ICE1: variants seen among roughly 807,000 people sequenced by gnomAD.
The protein encoded by ICE1 is interactor of little elongation complex ELL subunit 1.
A neutral mutation model predicts 192.7 loss-of-function variants in ICE1; 64 were observed. The observed-to-expected ratio is 0.33, with a 90% CI of 0.27 to 0.41. The LOEUF is 0.41. Among genes scored for constraint, ICE1 ranks in the 10% least tolerant of loss-of-function variants. ICE1 has a pLI of 1.00. For synonymous variants in ICE1, 1,010 were observed against 984.5 expected, an observed-to-expected ratio of 1.03 and a Z score of -0.49; for missense variants, 2,708 against 2,696.0, an observed-to-expected ratio of 1.00 and a Z score of -0.10.
chr5:5,475,188 C>T (rs1579576583), intron 16 of ICE1, among the ~76,000 whole-genome samples: 1 of 152,114 alleles, frequency 6.6e-6, no homozygotes, highest in African/African-American at 2.4e-5. Context: ...TCCCTGCACT[C>T]GTGATGAAGA....
Position 5,461,504 on chromosome 5 carries a change from G to A in ICE1, c.2170G>A (p.Glu724Lys), listed in dbSNP as rs988862120. The change falls in exon 13 of 19, where the codon GAA becomes AAA. Residue 724 changes from glutamate (E) to lysine (K), a missense_variant. Glu to Lys is a moderately conservative substitution (Grantham distance 56, BLOSUM62 1). Coordinates refer to ENST00000296564, the MANE Select transcript of ICE1 (RefSeq NM_015325.3). ...TAATGATCAGAAGAGCAGTGGGATA[G>A]AATATACAAAAGTAGTAAAAGGCTT... The part of the protein sequence containing the change: ...NFNDQKSSGI[E>K]YTKVVKGLTK... The A allele has an allele frequency of 2.5e-6, 4 of 1,613,722 alleles. No individual in the cohort carries two copies. In the Admixed American group the frequency reaches 5.0e-5, roughly 20 times the overall value.
At chr5:5,433,979 C>T (rs1737798696) in intron 1 of ICE1, among the ~76,000 whole-genome samples, 2 of 151,412 alleles carry the variant, frequency 1.3e-5, no homozygotes, top group African/African-American at 2.4e-5. Context: ...ATTGAATCCT[C>T]AGTGTGTTTA....
chr5:5,438,384 C>T (rs1009444070), intron 3 of ICE1, among the ~76,000 whole-genome samples: 3 of 152,218 alleles, frequency 2.0e-5, no homozygotes, highest in South Asian at 2.1e-4. Flanking sequence ...CTGTGAAAAT[C>T]GTAAAATTAA....
chr5:5,486,345 G>C (rs144287985), intron 17 of ICE1, among the ~76,000 whole-genome samples: 1 of 152,228 alleles, frequency 6.6e-6, no homozygotes, highest in Non-Finnish European at 1.5e-5. Flanking sequence ...TTGTGAAGTA[G>C]TTTGACTTAG....
At chr5:5,488,161 G>C (rs192911157) in intron 18 of ICE1, among the ~76,000 whole-genome samples, 1 of 152,300 alleles carries the variant, frequency 6.6e-6, no homozygotes, top group Admixed American at 6.5e-5. Flanking sequence ...GTGGTTTATG[G>C]GGGGGAGTAA....
At position 5,447,880 on chromosome 5, in the gene ICE1, A is replaced by G. The variant is rs1738286842; in HGVS notation, c.587A>G (p.Tyr196Cys). 7 of 1,573,608 alleles carry G rather than the reference A, an allele frequency of 4.4e-6. No individual in the cohort carries two copies. The highest frequency in any genetic ancestry group is 2.3e-5 in the East Asian group (1 of 43,482). The change falls in exon 10 of 19, where the codon TAT becomes TGT. Residue 196 changes from tyrosine (Y) to cysteine (C), a missense_variant. Physicochemically the swap from Tyr to Cys is radical, Grantham distance 194 (BLOSUM62 -2). Transcript: ENST00000296564. ...HIGTQISSDS[Y>C]GSIDKRKVKL... ...GGAACACAAATTTCAAGTGATTCAT[A>G]TGGAAGCATAGATAAAAGTGAGTAT...
intron 10 of ICE1, among the ~76,000 whole-genome samples, chr5:5,452,458 GAAAAGACC>G (rs1738453383): frequency 2.0e-5 from 3 of 152,020 alleles, no homozygotes; most frequent in Non-Finnish European, 4.4e-5. Flanking sequence ...AGATGTCTAA[GAAAAGACC>G]TGAAAGCAGT....
At chr5:5,476,142 G>GA in intron 17 of ICE1, 63 bp downstream of exon 17, 10 of 895,144 alleles carry the variant, frequency 1.1e-5, no homozygotes, top group Non-Finnish European at 1.7e-5. Flanking sequence ...AAGGCTGGGG[G>GA]GTTAACTGTA....
At chr5:5,435,704 A>ATC (rs1737855014) in intron 1 of ICE1, among the ~76,000 whole-genome samples, 1 of 104,178 alleles carries the variant, frequency 9.6e-6, no homozygotes, top group South Asian at 2.9e-4. Flanking sequence ...TCGAGATGGA[A>ATC]TCTCACTGTC....
intron 4 of ICE1, among the ~76,000 whole-genome samples, 154 bp downstream of exon 4, chr5:5,440,067 T>C (rs1187260479): frequency 1.3e-5 from 2 of 152,224 alleles, no homozygotes; most frequent in African/African-American, 2.4e-5. Flanking sequence ...CATAATAAAA[T>C]AGGACTCAAG....
At position 5,426,675 on chromosome 5, in the gene ICE1, G is replaced by C. The variant is rs532680976; in HGVS notation, c.84+3676G>C. Among the ~76,000 whole-genome samples the C allele has an allele frequency of 4.6e-4, 70 of 152,164 alleles. 1 individual carries two copies. Among genetic ancestry groups the C allele is most frequent in the Admixed American group, 2.1e-3 (32 of 15,274 alleles). On this transcript the variant is annotated intron_variant, in intron 1 of 18. Coordinates refer to ENST00000296564, the MANE Select transcript of ICE1 (RefSeq NM_015325.3). ...GAGAAACAGATAAAGTATGTTAGAG[G>C]GTTAAACAGGGAGTGCGTTCCAGAG...
rs1204981627 is a variant in ICE1, at chr5:5,461,671, C to G, written c.2337C>G (p.Ile779Met). 6.2e-7 allele frequency: 1 copy of G among 1,613,780 alleles called. No homozygotes were observed. The highest frequency in any genetic ancestry group is 1.7e-5 in the Admixed American group (1 of 60,006). Residue 779 changes from isoleucine to methionine, a missense_variant, in exon 13 of 19, where the codon ATC becomes ATG. Physicochemically the swap from Ile to Met is conservative, Grantham distance 10. Around this residue, in one of 2 missense-constraint regions of ICE1, gnomAD observed 2,366 missense variants for 2,276.6 expected, o/e 1.04. Coordinates refer to ENST00000296564, the MANE Select transcript of ICE1 (RefSeq NM_015325.3). ...TAATAGGTTCTCAGGCTGCCTTGATCAAGAGTGGTTTGGGTTTTGTTAAAA... is the reference window on the plus strand; with the variant it reads ...TAATAGGTTCTCAGGCTGCCTTGATGAAGAGTGGTTTGGGTTTTGTTAAAA... ...TSLIGSQAALIKSGLGFVKST... is the reference protein window; with the variant it reads ...TSLIGSQAALMKSGLGFVKST...
chr5:5,486,778 G>A lies in ICE1; in HGVS notation c.6578G>A (p.Ser2193Asn). The change falls in exon 18 of 19, where the codon AGT becomes AAT. Residue 2193 changes from serine (S) to asparagine (N), a missense_variant. Physicochemically the swap from Ser to Asn is conservative, Grantham distance 46 (BLOSUM62 1). Transcript: ENST00000296564. Reference protein sequence around the residue: ...EGFPSAVKNISSVIGMFIQHA... With the variant: ...EGFPSAVKNINSVIGMFIQHA... The stretch of plus-strand genomic sequence containing the variant: ...TTTCCATCTGCTGTGAAAAATATTA[G>A]TTCGGTTATTGGTATGTTTATACAG... 6.2e-7 allele frequency: 1 copy of A among 1,602,636 alleles called. No individual in the cohort carries two copies.
At chr5:5,472,961 A>G (rs898107170) in intron 15 of ICE1, among the ~76,000 whole-genome samples, 3 of 152,220 alleles carry the variant, frequency 2.0e-5, no homozygotes, top group African/African-American at 7.2e-5. Context: ...GTGAATATTC[A>G]TAGCAGCATT....
At chr5:5,435,112 G>A (rs548544867) in intron 1 of ICE1, among the ~76,000 whole-genome samples, 100 of 152,256 alleles carry the variant, frequency 6.6e-4, no homozygotes, top group African/African-American at 2.4e-3. Context: ...GACTGGAAAA[G>A]GACCTAAACC....
intron 4 of ICE1, among the ~76,000 whole-genome samples, chr5:5,440,328 G>T (rs764473981): frequency 6.6e-6 from 1 of 152,148 alleles, no homozygotes; most frequent in Non-Finnish European, 1.5e-5. Context: ...TCATCACCCA[G>T]ATGAAGGCGA....
chr5:5,446,833 G>T (rs1003626441), intron 7 of ICE1, among the ~76,000 whole-genome samples: 1 of 152,150 alleles, frequency 6.6e-6, no homozygotes, highest in African/African-American at 2.4e-5. Context: ...TATGAGCATA[G>T]TTATGTAAAG....
intron 14 of ICE1, among the ~76,000 whole-genome samples, chr5:5,467,788 A>G (rs1348172653): frequency 6.6e-6 from 1 of 152,222 alleles, no homozygotes; most frequent in African/African-American, 2.4e-5. Flanking sequence ...GAACAAAGAA[A>G]ACTAAAAAGA....
At position 5,464,922 on chromosome 5, in the gene ICE1, C is replaced by G; in HGVS notation, c.5588C>G (p.Thr1863Ser). 6.2e-7 allele frequency: 1 copy of G among 1,613,566 alleles called. No individual in the cohort carries two copies. The highest frequency in any genetic ancestry group is 8.5e-7 in the Non-Finnish European group (1 of 1,179,716). The change falls in exon 13 of 19, where the codon ACT becomes AGT. Residue 1863 changes from threonine to serine, a missense_variant. Physicochemically the swap from Thr to Ser is moderately conservative, Grantham distance 58. This residue lies in a region of ICE1 where 2,366 missense variants were observed against 2,276.6 expected (regional missense o/e 1.04). Coordinates refer to ENST00000296564, the MANE Select transcript of ICE1 (RefSeq NM_015325.3). The surrounding 1 kb of genome is among the most constrained non-coding windows in gnomAD (Gnocchi z 4.0). ...GSPEPETRGV[T>S]AEGIHKNLPG... ...CCAGAACCAGAAACCAGGGGAGTCA[C>G]TGCAGAAGGAATCCACAAAAACCTC...
Sources: allele counts gnomAD v4.1 joint callset (sites outside exome capture counted in the v4.1 genomes callset), GRCh38; gene constraint gnomAD v4.1.1; regional missense constraint gnomAD v4.1.1; non-coding constraint Gnocchi (gnomAD v3.1); transcripts MANE v1.5; gene names NCBI Gene and HGNC (gene_info 2026-07-23, HGNC 2026-07-21).